ANKRD13C: variants seen among roughly 807,000 people sequenced by gnomAD.
ANKRD13C encodes ankyrin repeat domain 13C, also known as ankyrin repeat domain-containing protein 13C.
ANKRD13C carries 16 observed loss-of-function variants against 65.5 expected under a neutral mutation model. The ratio of observed to expected loss-of-function variants is 0.24; its 90% confidence interval spans 0.17 to 0.37. The LOEUF (loss-of-function observed/expected upper bound fraction) is 0.37, where lower values mean the gene tolerates loss of function less well. ANKRD13C is among the 10% of genes least tolerant of loss of function. The pLI, the probability that ANKRD13C is intolerant of heterozygous loss-of-function variation, is 1.00. For synonymous variants in ANKRD13C, 235 were observed against 238.7 expected, an observed-to-expected ratio of 0.98 and a Z score of 0.14; for missense variants, 503 against 655.9, an observed-to-expected ratio of 0.77 and a Z score of 2.55.
chr1:70,331,547 G>A (rs1057239179), intron 2 of ANKRD13C, among the ~76,000 whole-genome samples: 5 of 151,048 alleles, frequency 3.3e-5, no homozygotes, highest in African/African-American at 1.2e-4. Flanking sequence ...TAAAAGCAAC[G>A]TATAGAACAC....
intron 2 of ANKRD13C, among the ~76,000 whole-genome samples, chr1:70,329,899 T>C (rs1356624696): frequency 6.6e-6 from 1 of 152,046 alleles, no homozygotes; most frequent in East Asian, 1.9e-4. Flanking sequence ...GAGACCAGCC[T>C]GACCAACATG....
At chr1:70,320,574 A>T (rs1439491369) in intron 3 of ANKRD13C, among the ~76,000 whole-genome samples, 1 of 152,012 alleles carries the variant, frequency 6.6e-6, no homozygotes, top group Non-Finnish European at 1.5e-5. Flanking sequence ...GGCTCAAGCG[A>T]CCCACCTGTC....
intron 10 of ANKRD13C, 111 bp from the exon 11 acceptor site, chr1:70,274,929 C>T: frequency 1.4e-6 from 1 of 692,650 alleles, no homozygotes; most frequent in South Asian, 1.8e-5. Flanking sequence ...ATTTTTCTTA[C>T]TCTGTCTACA....
chr1:70,279,363 T>C (rs923113312), intron 9 of ANKRD13C, among the ~76,000 whole-genome samples: 12 of 152,098 alleles, frequency 7.9e-5, no homozygotes, highest in African/African-American at 1.4e-4. Flanking sequence ...CCAGAGGAAT[T>C]TGCAAACAAA....
intron 2 of ANKRD13C, among the ~76,000 whole-genome samples, chr1:70,333,124 A>G (rs1021840586): frequency 2.0e-4 from 31 of 152,194 alleles, no homozygotes; most frequent in Admixed American, 2.0e-3. Flanking sequence ...AGTTGAAATT[A>G]AAACTTGGCT....
chr1:70,277,323 T>C (rs374387462), intron 9 of ANKRD13C, among the ~76,000 whole-genome samples: 4 of 152,062 alleles, frequency 2.6e-5, no homozygotes, highest in Non-Finnish European at 5.9e-5. Context: ...CCGGGCGTGA[T>C]GGTGAGTGCC....
At chr1:70,343,408 A>C (rs928066614) in intron 1 of ANKRD13C, among the ~76,000 whole-genome samples, 2 of 152,240 alleles carry the variant, frequency 1.3e-5, no homozygotes, top group African/African-American at 4.8e-5. Context: ...ATAAAAACAT[A>C]AAATAAACTT....
At chr1:70,272,846 G>C (rs557809385) in intron 11 of ANKRD13C, among the ~76,000 whole-genome samples, 1 of 152,050 alleles carries the variant, frequency 6.6e-6, no homozygotes, top group South Asian at 2.1e-4. Context: ...AAATTATCCA[G>C]GCGTGGTAGC....
intron 4 of ANKRD13C, 70 bp from the exon 5 acceptor site, chr1:70,313,860 C>A: frequency 8.7e-7 from 1 of 1,152,866 alleles, no homozygotes; most frequent in Non-Finnish European, 1.3e-6. Context: ...AAAAATATGG[C>A]TATTCCTTAA....
intron 11 of ANKRD13C, among the ~76,000 whole-genome samples, chr1:70,274,130 T>C (rs984266528): frequency 3.9e-5 from 6 of 152,140 alleles, no homozygotes; most frequent in African/African-American, 1.4e-4. Context: ...TTCCATACTT[T>C]TGGATTTTTT....
chr1:70,350,870 T>C (rs1682715966), intron 1 of ANKRD13C, among the ~76,000 whole-genome samples: 1 of 152,198 alleles, frequency 6.6e-6, no homozygotes, highest in Admixed American at 6.5e-5. Flanking sequence ...TGTAAAACTA[T>C]CTGCTTTGGA....
rs146940723 is a variant in ANKRD13C, at chr1:70,339,812, T to TTTA, written c.431-3716_431-3714dup. On this transcript the variant is annotated intron_variant, in intron 1 of 12. Coordinates refer to ENST00000370944, the MANE Select transcript of ANKRD13C (RefSeq NM_030816.5). The stretch of plus-strand genomic sequence containing the variant: ...CCTTCTTTTTCTCTTGATCAGTACG[T>TTTA]TTATTATTATTATTATTATTATTAT... 3.5e-3 allele frequency among the ~76,000 whole-genome samples: 472 copies of TTTA among 133,874 alleles called. 1 individual carries two copies. Among genetic ancestry groups the TTTA allele is most frequent in the African/African-American group, 3.5e-3 (125 of 36,054 alleles). 87.8% of individuals were successfully genotyped at this position (133,874 alleles called of 152,430 possible).
In ANKRD13C at chr1:70,293,118, T is replaced by C. The variant is rs532796083; in HGVS notation, c.1054-569A>G. On this transcript the variant is annotated intron_variant, in intron 8 of 12. Transcript: ENST00000370944. ...TTCAACAAAGAAAAGAGGAAAAGAG[T>C]ACCCTTGCTCACCAATACAATTAAA... Among the ~76,000 whole-genome samples, 534 of 151,994 alleles carry C rather than the reference T, an allele frequency of 3.5e-3. 6 individuals are homozygous for C. In the South Asian group the frequency reaches 0.037, roughly 11 times the overall value.
rs560430295 is a variant in ANKRD13C, at chr1:70,354,433, G to T, written c.-25C>A. On this transcript the variant is annotated 5_prime_UTR_variant, in exon 1 of 13. Transcript: ENST00000370944. ...TCGCCGCCGCCAGGGGCAAGGGGGGGAATCGGGAGGCTCACCGCTGGCGAC... is the reference window on the plus strand; with the variant it reads ...TCGCCGCCGCCAGGGGCAAGGGGGGTAATCGGGAGGCTCACCGCTGGCGAC... 2 of 1,596,770 alleles carry T rather than the reference G, an allele frequency of 1.3e-6. No individual in the cohort carries two copies. The highest frequency in any genetic ancestry group is 1.7e-5 in the Admixed American group (1 of 57,626).
At chr1:70,331,820 CAAAAAAAAAA>C (rs10526340) in intron 2 of ANKRD13C, among the ~76,000 whole-genome samples, 12 of 70,042 alleles carry the variant, frequency 1.7e-4, no homozygotes, top group South Asian at 1.3e-3. Context: ...AGACTCGACT[CAAAAAAAAAA>C]AAAAAAAAAA....
intron 9 of ANKRD13C, among the ~76,000 whole-genome samples, chr1:70,287,622 C>A (rs1679680359): frequency 6.6e-6 from 1 of 151,952 alleles, no homozygotes; most frequent in South Asian, 2.1e-4. Flanking sequence ...TCAATGAAAG[C>A]CCACTTTGAG....
At chr1:70,306,411 T>C (rs1256895776) in intron 5 of ANKRD13C, 121 bp from the exon 6 acceptor site, 1 of 548,730 alleles carries the variant, frequency 1.8e-6, no homozygotes, top group South Asian at 4.1e-5. Flanking sequence ...TCCTTTCAAA[T>C]AGTATTTTTC....
chr1:70,323,210 C>T (rs1352874856), intron 3 of ANKRD13C, among the ~76,000 whole-genome samples: 1 of 152,058 alleles, frequency 6.6e-6, no homozygotes, highest in Non-Finnish European at 1.5e-5. Flanking sequence ...TTCTTGCTCT[C>T]ATGAGGGTCT....
At chr1:70,296,714 T>C (rs1190902391) in intron 7 of ANKRD13C, among the ~76,000 whole-genome samples, 1 of 152,178 alleles carries the variant, frequency 6.6e-6, no homozygotes, top group African/African-American at 2.4e-5. Flanking sequence ...CCACTGTCAT[T>C]TGAGCCTTTC....
Sources: allele counts gnomAD v4.1 joint callset (sites outside exome capture counted in the v4.1 genomes callset), GRCh38; gene constraint gnomAD v4.1.1; transcripts MANE v1.5; gene names NCBI Gene and HGNC (gene_info 2026-07-23, HGNC 2026-07-21).